The following RABGEF1 variants were observed in gnomAD, a reference collection of about 807,000 sequenced individuals.
RABGEF1 encodes RAB guanine nucleotide exchange factor 1.
A neutral mutation model predicts 57.3 loss-of-function variants in RABGEF1; 26 were observed. The ratio of observed to expected loss-of-function variants is 0.45; its 90% confidence interval spans 0.33 to 0.63. The LOEUF is 0.63. Ranked by LOEUF, RABGEF1 falls within the 20% of genes least tolerant of loss-of-function variation. RABGEF1 has a pLI of 0.02. For synonymous variants in RABGEF1, 185 were observed against 210.7 expected (o/e 0.88, Z 1.06); for missense variants, 464 against 607.6 (o/e 0.76, Z 2.48).
At chr7:66,795,181 G>A (rs908005356) in intron 4 of RABGEF1, among the ~76,000 whole-genome samples, 1 of 152,116 alleles carries the variant, frequency 6.6e-6, no homozygotes, top group Non-Finnish European at 1.5e-5. Flanking sequence ...CTGGCCTTGT[G>A]AGTGTCTCGG....
chr7:66,666,749 T>C, the RABGEF1 span, among the ~76,000 whole-genome samples: 3 of 152,344 alleles, frequency 2.0e-5, no homozygotes, highest in African/African-American at 7.2e-5. Context: ...AGTGTCCAGC[T>C]GGGTGGGCGT....
intron 2 of RABGEF1, among the ~76,000 whole-genome samples, chr7:66,772,898 T>C (rs750886789): frequency 3.4e-5 from 5 of 149,106 alleles, no homozygotes; most frequent in Admixed American, 2.0e-4. Context: ...GGAGACAGAG[T>C]GAGACTCTGT....
chr7:66,795,694 G>T (rs1813865697), intron 5 of RABGEF1, 102 bp downstream of exon 5: 2 of 1,109,120 alleles, frequency 1.8e-6, no homozygotes, highest in African/African-American at 3.1e-5. Context: ...CTGGTTTGTA[G>T]ACTTCATCCT....
At chr7:66,759,768 T>C (rs1803787742) in intron 1 of RABGEF1, among the ~76,000 whole-genome samples, 1 of 152,212 alleles carries the variant, frequency 6.6e-6, no homozygotes, top group Non-Finnish European at 1.5e-5. Context: ...AAACCATTCA[T>C]GATTAACTGC....
chr7:66,762,496 G>A (rs1804675095), intron 1 of RABGEF1, among the ~76,000 whole-genome samples: 1 of 152,112 alleles, frequency 6.6e-6, no homozygotes, highest in African/African-American at 2.4e-5. Context: ...AGGCTGAGAC[G>A]AGAGGGTCGC....
At chr7:66,782,599 A>G (rs1307278519) in intron 3 of RABGEF1, among the ~76,000 whole-genome samples, 1 of 151,506 alleles carries the variant, frequency 6.6e-6, no homozygotes, top group East Asian at 1.9e-4. Flanking sequence ...ACCCCCACAA[A>G]TAGCTGGCAC....
intron 1 of RABGEF1, among the ~76,000 whole-genome samples, chr7:66,696,706 A>G (rs1353280668): frequency 2.0e-4 from 30 of 151,624 alleles, no homozygotes; most frequent in Middle Eastern, 3.4e-3. Context: ...AAAAAAAAAA[A>G]AAAAAAGAAA....
intron 1 of RABGEF1, among the ~76,000 whole-genome samples, chr7:66,769,985 G>C (rs945993845): frequency 4.6e-5 from 7 of 152,132 alleles, no homozygotes; most frequent in African/African-American, 1.7e-4. Context: ...GGCTCTTTAA[G>C]GTCTATCGCC....
chr7:66,787,629 G>T (rs1220609371), intron 4 of RABGEF1, among the ~76,000 whole-genome samples: 7 of 152,144 alleles, frequency 4.6e-5, no homozygotes, highest in African/African-American at 1.7e-4. Flanking sequence ...ACAGGATTGA[G>T]CCACAATACC....
chr7:66,778,287 G>A (rs1171117690), intron 3 of RABGEF1, among the ~76,000 whole-genome samples: 1 of 148,744 alleles, frequency 6.7e-6, no homozygotes, highest in Non-Finnish European at 1.5e-5. Context: ...CTTGGTAGCA[G>A]ACAAAATACA....
At chr7:66,800,788 T>G (rs1464033583) in intron 7 of RABGEF1, among the ~76,000 whole-genome samples, 2 of 152,214 alleles carry the variant, frequency 1.3e-5, no homozygotes, top group Non-Finnish European at 2.9e-5. Flanking sequence ...TCCCCAGCCT[T>G]CCTGGCCTCT....
intron 1 of RABGEF1, among the ~76,000 whole-genome samples, chr7:66,746,295 T>G (rs1381636984): frequency 1.3e-5 from 2 of 152,060 alleles, no homozygotes; most frequent in Admixed American, 6.6e-5. Flanking sequence ...TGTGATTTTT[T>G]TTTTTTACTT....
the RABGEF1 span, among the ~76,000 whole-genome samples, chr7:66,671,223 G>A: frequency 1.3e-5 from 2 of 152,094 alleles, no homozygotes; most frequent in African/African-American, 2.4e-5. Context: ...CGGGTGGAAT[G>A]TAGTGGCTGT....
chr7:66,743,167 G>C (rs1284698928), intron 1 of RABGEF1, among the ~76,000 whole-genome samples: 3 of 152,198 alleles, frequency 2.0e-5, no homozygotes, highest in Admixed American at 1.3e-4. Flanking sequence ...AATTAGCTTG[G>C]TGTGATGGCG....
At chr7:66,694,396 C>A (rs1309799414) in intron 1 of RABGEF1, among the ~76,000 whole-genome samples, 1 of 152,188 alleles carries the variant, frequency 6.6e-6, no homozygotes, top group African/African-American at 2.4e-5. Flanking sequence ...ATCAGTGAGG[C>A]ACCGTTAGGA....
intron 4 of RABGEF1, among the ~76,000 whole-genome samples, chr7:66,792,510 G>A (rs1812954801): frequency 6.6e-6 from 1 of 152,206 alleles, no homozygotes; most frequent in African/African-American, 2.4e-5. Flanking sequence ...GGGAAAGCCT[G>A]TGCATGCAGT....
At chr7:66,782,289 G>T (rs1261016825) in intron 3 of RABGEF1, among the ~76,000 whole-genome samples, 2 of 152,062 alleles carry the variant, frequency 1.3e-5, no homozygotes. Context: ...TTTCTAGTTT[G>T]TCTCTTGCCC....
chr7:66,753,918 G>GACAGTCTCGAT (rs1326016727), intron 1 of RABGEF1, among the ~76,000 whole-genome samples: 37 of 149,624 alleles, frequency 2.5e-4, no homozygotes, highest in East Asian at 6.1e-4. Context: ...TGTTGGCCAG[G>GACAGTCTCGAT]CTGTTCTTGA....
chr7:66,732,978 A>G (rs1321166046), intron 2 of RABGEF1, among the ~76,000 whole-genome samples: 1 of 152,126 alleles, frequency 6.6e-6, no homozygotes, highest in Non-Finnish European at 1.5e-5. Context: ...GTCCAACCGT[A>G]TGACTGTGTC....
Sources: allele counts gnomAD v4.1 joint callset (sites outside exome capture counted in the v4.1 genomes callset), GRCh38; gene constraint gnomAD v4.1.1; transcripts MANE v1.5; gene names NCBI Gene and HGNC (gene_info 2026-07-23, HGNC 2026-07-21).